Variants in CNTN4 observed in about 807,000 individuals in gnomAD.
CNTN4 encodes the protein contactin-4.
Under a neutral mutation model 122.5 loss-of-function variants are expected in CNTN4, and 77 were observed. The ratio of observed to expected loss-of-function variants is 0.63; its 90% CI spans 0.52 to 0.76. The LOEUF (loss-of-function observed/expected upper bound fraction) is 0.76. Ranked by LOEUF, CNTN4 falls within the 30% of genes least tolerant of loss-of-function variation. The pLI, the probability that CNTN4 is intolerant of heterozygous loss-of-function variation, is 0.00. For missense variants in CNTN4, 1,256 were observed against 1,259.1 expected (o/e 1.00, Z 0.04); for synonymous variants, 512 against 447.0 (o/e 1.15, Z -1.83).
At position 2,900,098 on chromosome 3, in the gene CNTN4, G is replaced by A. The variant is rs576515585; in HGVS notation, c.941-587G>A. ...AGTCATTCATGGTCCAAGGCTGACAGGTCAGCATTTTCATCCTATGTAGCT... is the reference window on the plus strand; with the variant it reads ...AGTCATTCATGGTCCAAGGCTGACAAGTCAGCATTTTCATCCTATGTAGCT... On this transcript the variant is annotated intron_variant, in intron 10 of 24. Coordinates refer to ENST00000418658, the MANE Select transcript of CNTN4 (RefSeq NM_175607.3). 2.6e-5 allele frequency among the ~76,000 whole-genome samples: 4 copies of A among 152,308 alleles called. No individual in the cohort carries two copies. The East Asian group carries it at 7.7e-4, about 29-fold the overall frequency.
chr3:2,112,727 A>G (rs145168743), intron 2 of CNTN4, among the ~76,000 whole-genome samples: 3 of 152,290 alleles, frequency 2.0e-5, no homozygotes, highest in Non-Finnish European at 4.4e-5. Context: ...CTGTATTTCT[A>G]ACACATACAA....
intron 2 of CNTN4, among the ~76,000 whole-genome samples, chr3:2,234,476 G>A (rs1474957122): frequency 6.6e-6 from 1 of 150,796 alleles, no homozygotes; most frequent in African/African-American, 2.4e-5. Flanking sequence ...TTTATATACA[G>A]AGCTACTTAT....
chr3:2,573,906 G>T lies in CNTN4; in HGVS notation c.55+2348G>T, dbSNP rs142676873. ...CATTAATTTACATAGCACTCCACTC[G>T]CTGAATTTTGATTTTTTAAACTGCT... is the stretch of plus-strand genomic sequence containing the variant. On this transcript the variant is annotated intron_variant, in intron 4 of 24. Transcript: ENST00000418658. Among the ~76,000 whole-genome samples the T allele has an allele frequency of 7.2e-3, 1,088 of 152,130 alleles. 15 individuals carry two copies. The highest frequency in any genetic ancestry group is 0.025 in the African/African-American group (1,024 of 41,508).
At chr3:2,742,372 T>C (rs891066357) in intron 5 of CNTN4, among the ~76,000 whole-genome samples, 2 of 152,226 alleles carry the variant, frequency 1.3e-5, no homozygotes, top group African/African-American at 4.8e-5. Context: ...TAAGGACATA[T>C]GACATTACTT....
At chr3:2,861,463 C>T (rs2093670800) in intron 7 of CNTN4, among the ~76,000 whole-genome samples, 1 of 152,182 alleles carries the variant, frequency 6.6e-6, no homozygotes, top group Non-Finnish European at 1.5e-5. Context: ...TTAAAATACA[C>T]TTTTCACATC....
At position 2,417,640 on chromosome 3, in the gene CNTN4, G is replaced by A. The variant is rs962789761; in HGVS notation, c.-89+78407G>A. Reference sequence around the variant, plus strand: ...CAATCACACTCCTTGAGATTTACCCGAAGGAGGTGAAAACTTATGTTTACA... The same window carrying A: ...CAATCACACTCCTTGAGATTTACCCAAAGGAGGTGAAAACTTATGTTTACA... On this transcript the variant is annotated intron_variant, in intron 3 of 24. Transcript: ENST00000418658. 6.6e-5 allele frequency among the ~76,000 whole-genome samples: 10 copies of A among 152,116 alleles called. No homozygotes were observed. The East Asian group carries it at 7.7e-4, about 12-fold the overall frequency.
At chr3:2,164,788 T>C (rs960048194) in intron 2 of CNTN4, among the ~76,000 whole-genome samples, 1 of 152,118 alleles carries the variant, frequency 6.6e-6, no homozygotes, top group African/African-American at 2.4e-5. Flanking sequence ...AGTTTGCTCA[T>C]GTTTGACGGA....
intron 6 of CNTN4, among the ~76,000 whole-genome samples, chr3:2,762,323 T>C (rs1163541711): frequency 6.6e-6 from 1 of 152,218 alleles, no homozygotes; most frequent in Non-Finnish European, 1.5e-5. Flanking sequence ...ATATTAAGCA[T>C]AGTACCCATT....
chr3:2,377,414 C>T (rs1310338219), intron 3 of CNTN4, among the ~76,000 whole-genome samples: 1 of 152,188 alleles, frequency 6.6e-6, no homozygotes, highest in Non-Finnish European at 1.5e-5. Context: ...CTTCCTCACC[C>T]ACACACAGGT....
intron 3 of CNTN4, among the ~76,000 whole-genome samples, chr3:2,487,938 T>C (rs906896889): frequency 6.6e-6 from 1 of 152,216 alleles, no homozygotes; most frequent in South Asian, 2.1e-4. Flanking sequence ...ACTTGGTGAA[T>C]TTTAAGACCG....
At chr3:2,163,657 T>G (rs2036059654) in intron 2 of CNTN4, among the ~76,000 whole-genome samples, 1 of 150,990 alleles carries the variant, frequency 6.6e-6, no homozygotes, top group African/African-American at 2.4e-5. Context: ...AAAAAAAAAC[T>G]AATAATCCCA....
chr3:2,167,606 G>T (rs2036258396), intron 2 of CNTN4, among the ~76,000 whole-genome samples: 1 of 152,066 alleles, frequency 6.6e-6, no homozygotes, highest in Non-Finnish European at 1.5e-5. Flanking sequence ...CAAGACAAAT[G>T]ATGTAATATT....
At chr3:2,581,097 G>T (rs2079916379) in intron 4 of CNTN4, among the ~76,000 whole-genome samples, 1 of 152,176 alleles carries the variant, frequency 6.6e-6, no homozygotes, top group African/African-American at 2.4e-5. Context: ...CAACTTATTA[G>T]AAATGGGGAT....
At chr3:2,795,036 A>G (rs2092127713) in intron 6 of CNTN4, among the ~76,000 whole-genome samples, 2 of 152,182 alleles carry the variant, frequency 1.3e-5, no homozygotes, top group Admixed American at 6.5e-5. Context: ...TTCATTGCAT[A>G]ACACTTTAAA....
intron 2 of CNTN4, among the ~76,000 whole-genome samples, chr3:2,257,985 C>A (rs2040669704): frequency 6.6e-6 from 1 of 152,112 alleles, no homozygotes; most frequent in Admixed American, 6.6e-5. Flanking sequence ...ATCACTTCAA[C>A]CCGGGAGGTG....
At chr3:2,159,855 C>A (rs115370013) in intron 2 of CNTN4, among the ~76,000 whole-genome samples, 1 of 150,980 alleles carries the variant, frequency 6.6e-6, no homozygotes, top group African/African-American at 2.4e-5. Flanking sequence ...TTAGTTTAAT[C>A]CTTTAACAAA....
Position 2,128,621 on chromosome 3 carries a change from G to A in CNTN4, c.-145+27982G>A, listed in dbSNP as rs186436321. Among the ~76,000 whole-genome samples, 273 of 152,284 alleles carry A rather than the reference G, an allele frequency of 1.8e-3. 8 individuals carry two copies. The highest frequency in any genetic ancestry group is 0.017 in the Admixed American group (263 of 15,294). On this transcript the variant is annotated intron_variant, in intron 2 of 24. Transcript: ENST00000418658. ...CTGGTATCATGAGGAAGTCAGTTTG[G>A]ATGATGATGGTATCCCATAACATGT...
At chr3:2,741,090 G>C (rs1417851342) in intron 5 of CNTN4, among the ~76,000 whole-genome samples, 2 of 152,112 alleles carry the variant, frequency 1.3e-5, no homozygotes, top group Non-Finnish European at 2.9e-5. Context: ...TATAGACAAA[G>C]TATTTAAACC....
intron 4 of CNTN4, among the ~76,000 whole-genome samples, chr3:2,598,210 G>A (rs1221767202): frequency 1.3e-5 from 2 of 152,136 alleles, no homozygotes; most frequent in South Asian, 2.1e-4. Flanking sequence ...TCTACTTGCT[G>A]TGGTACCGAA....
Sources: allele counts gnomAD v4.1 joint callset (sites outside exome capture counted in the v4.1 genomes callset), GRCh38; gene constraint gnomAD v4.1.1; transcripts MANE v1.5; gene names NCBI Gene and HGNC (gene_info 2026-07-23, HGNC 2026-07-21).